The following RGS7 variants were observed in gnomAD, a reference collection of about 807,000 sequenced individuals.
RGS7 encodes regulator of G protein signaling 7.
A neutral mutation model predicts 81.1 loss-of-function variants in RGS7; 27 were observed. That is an observed-to-expected ratio of 0.33 (90% CI 0.25 to 0.46). RGS7 has a LOEUF of 0.46. RGS7 is among the 20% of genes least tolerant of loss of function. RGS7 has a pLI of 1.00. For synonymous variants in RGS7, 208 were observed against 207.7 expected, an observed-to-expected ratio of 1.00 and a Z score of -0.01; for missense variants, 396 against 607.4, an observed-to-expected ratio of 0.65 and a Z score of 3.66.
At chr1:240,778,754 G>A (rs987461375) in intron 18 of RGS7, among the ~76,000 whole-genome samples, 1 of 152,038 alleles carries the variant, frequency 6.6e-6, no homozygotes, top group Non-Finnish European at 1.5e-5. Flanking sequence ...GGATGGTCTC[G>A]ATCTCTTGAC....
chr1:241,311,079 G>T (rs2080498774), intron 2 of RGS7, among the ~76,000 whole-genome samples: 1 of 152,146 alleles, frequency 6.6e-6, no homozygotes, highest in African/African-American at 2.4e-5. Context: ...CTTCCTCAAA[G>T]CAGTTATAAA....
chr1:241,210,274 T>A (rs2074170532), intron 2 of RGS7, among the ~76,000 whole-genome samples: 1 of 152,158 alleles, frequency 6.6e-6, no homozygotes, highest in East Asian at 1.9e-4. Context: ...CTCAGTCTCC[T>A]GACTAGCTGG....
chr1:241,204,891 C>A (rs2073773132), intron 2 of RGS7, among the ~76,000 whole-genome samples: 1 of 152,042 alleles, frequency 6.6e-6, no homozygotes, highest in East Asian at 1.9e-4. Context: ...CATATTAGAA[C>A]ATCTTGCTAT....
chr1:240,920,792 A>G (rs115127950), intron 6 of RGS7, among the ~76,000 whole-genome samples: 5,236 of 152,266 alleles, frequency 0.034, 98 homozygotes, highest in Middle Eastern at 0.044. Flanking sequence ...TGTATTTGTG[A>G]CTAATTGTAT....
intron 2 of RGS7, among the ~76,000 whole-genome samples, chr1:241,147,780 T>TTA (rs200770896): frequency 0.078 from 3,453 of 44,442 alleles, 241 homozygotes; most frequent in Non-Finnish European, 0.1. Context: ...AGATTAAGTT[T>TTA]TATATATATA....
intron 2 of RGS7, among the ~76,000 whole-genome samples, chr1:241,250,951 CT>C (rs998732214): frequency 5.3e-5 from 8 of 152,190 alleles, no homozygotes; most frequent in Non-Finnish European, 1.0e-4. Flanking sequence ...CCTTGCTCAT[CT>C]TTAAATCCCT....
intron 18 of RGS7, among the ~76,000 whole-genome samples, chr1:240,786,225 A>G (rs1324779824): frequency 1.3e-5 from 2 of 152,186 alleles, no homozygotes; most frequent in Non-Finnish European, 2.9e-5. Flanking sequence ...TTGAAATATG[A>G]TCATTTACAT....
At chr1:240,943,472 T>C (rs953153570) in intron 4 of RGS7, among the ~76,000 whole-genome samples, 6 of 152,218 alleles carry the variant, frequency 3.9e-5, no homozygotes, top group Non-Finnish European at 4.4e-5. Context: ...TTATTATCAG[T>C]TGATACTTAT....
chr1:240,834,503 T>G (rs533631634), intron 9 of RGS7, among the ~76,000 whole-genome samples: 3 of 152,128 alleles, frequency 2.0e-5, no homozygotes, highest in Non-Finnish European at 2.9e-5. Context: ...TTTTTATTTT[T>G]AAGGTTTTTT....
intron 2 of RGS7, among the ~76,000 whole-genome samples, chr1:241,169,336 C>CTTTTTTTTTT (rs57753661): frequency 1.3e-5 from 1 of 74,274 alleles, no homozygotes; most frequent in Non-Finnish European, 2.4e-5. Context: ...ATGTGTGTTT[C>CTTTTTTTTTT]TTTTTTTTTT....
chr1:240,911,653 T>C lies in RGS7; in HGVS notation c.385+19064A>G, dbSNP rs114029184. ...GTAAGTCTTGTAAACACAACAACGGTATGGAAATCCAACTGAAAAACACTC... is the reference window on the plus strand; with the variant it reads ...GTAAGTCTTGTAAACACAACAACGGCATGGAAATCCAACTGAAAAACACTC... On this transcript the variant is annotated intron_variant, in intron 6 of 18. Coordinates refer to ENST00000440928, the MANE Select transcript of RGS7 (RefSeq NM_001364886.1). 4.6e-3 allele frequency among the ~76,000 whole-genome samples: 707 copies of C among 152,222 alleles called. 6 individuals carry two copies. The highest frequency in any genetic ancestry group is 0.017 in the African/African-American group (692 of 41,532).
At chr1:241,134,695 T>C (rs1017696117) in intron 2 of RGS7, among the ~76,000 whole-genome samples, 1 of 151,992 alleles carries the variant, frequency 6.6e-6, no homozygotes, top group Non-Finnish European at 1.5e-5. Flanking sequence ...GGGAAATGAA[T>C]GGGAGAGAGT....
At chr1:241,081,858 C>T (rs537714880) in intron 3 of RGS7, among the ~76,000 whole-genome samples, 10 of 152,302 alleles carry the variant, frequency 6.6e-5, no homozygotes, top group African/African-American at 2.2e-4. Context: ...GATTTATTTA[C>T]TGCTTTTGGC....
intron 18 of RGS7, among the ~76,000 whole-genome samples, chr1:240,789,496 C>T (rs371566898): frequency 5.4e-4 from 83 of 152,310 alleles, no homozygotes; most frequent in East Asian, 2.9e-3. Flanking sequence ...GGAGAAATAT[C>T]GCTGAATTCT....
Position 241,259,667 on chromosome 1 carries a change from A to AAAAAAAAAAAAATATATAT in RGS7, c.78+96031_78+96032insATATATATTTTTTTTTTTT. ...CTCCGTCTCAAAAAAAAAAAAAAAAAATATATATATATATATATAATTAAA... is the reference window on the plus strand; with the variant it reads ...CTCCGTCTCAAAAAAAAAAAAAAAAAAAAAAAAAAAAATATATATATATATATATATATATATAATTAAA... On this transcript the variant is annotated intron_variant, in intron 2 of 18. Transcript: ENST00000440928. 4.3e-4 allele frequency among the ~76,000 whole-genome samples: 21 copies of AAAAAAAAAAAAATATATAT among 49,124 alleles called. 1 individual carries two copies. Among genetic ancestry groups the AAAAAAAAAAAAATATATAT allele is most frequent in the African/African-American group, 1.4e-3 (17 of 12,578 alleles). 32.2% of individuals were successfully genotyped at this position (49,124 alleles called of 152,430 possible). A position where few individuals can be genotyped will look rare whatever the true frequency, so the allele number is the denominator to read the frequency against.
chr1:241,081,532 G>A (rs924085077), intron 3 of RGS7, among the ~76,000 whole-genome samples: 1 of 152,172 alleles, frequency 6.6e-6, no homozygotes, highest in Non-Finnish European at 1.5e-5. Flanking sequence ...ACTAAATAAA[G>A]TACATCGATT....
chr1:241,238,407 T>C (rs61833798), intron 2 of RGS7, among the ~76,000 whole-genome samples: 19,278 of 152,178 alleles, frequency 0.13, 1,386 homozygotes, highest in Middle Eastern at 0.18. Context: ...GGACCAACTA[T>C]TTAGGAACAA....
At chr1:241,233,788 T>A (rs914649769) in intron 2 of RGS7, among the ~76,000 whole-genome samples, 81 of 128,632 alleles carry the variant, frequency 6.3e-4, no homozygotes, top group African/African-American at 2.2e-3. Flanking sequence ...GGTAGTTCTA[T>A]TTTTTAGTTT....
intron 2 of RGS7, among the ~76,000 whole-genome samples, chr1:241,326,962 A>G (rs904486611): frequency 5.6e-5 from 7 of 124,556 alleles, no homozygotes; most frequent in African/African-American, 2.2e-4. Context: ...GGAAGGAAGG[A>G]AGAGAGAGAG....
Sources: allele counts gnomAD v4.1 joint callset (sites outside exome capture counted in the v4.1 genomes callset), GRCh38; gene constraint gnomAD v4.1.1; transcripts MANE v1.5; gene names NCBI Gene and HGNC (gene_info 2026-07-23, HGNC 2026-07-21).